The following CTNNA3 variants were observed in gnomAD, a reference collection of about 807,000 sequenced individuals.
CTNNA3 encodes the protein catenin alpha 3.
CTNNA3 carries 76 observed loss-of-function variants against 95.7 expected under a neutral mutation model. The observed-to-expected ratio is 0.79, with a 90% CI of 0.66 to 0.96. CTNNA3 has a LOEUF of 0.96. Among genes scored for constraint, CTNNA3 ranks in the 40% least tolerant of loss-of-function variants. The probability of loss-of-function intolerance (pLI) is 0.00; values close to 1 mark genes in which losing one functional copy is unlikely to be tolerated. For synonymous variants in CTNNA3, 431 were observed against 374.4 expected (o/e 1.15, Z -1.74); for missense variants, 1,191 against 1,089.8 (o/e 1.09, Z -1.31).
chr10:67,125,752 T>C (rs1359613252), intron 7 of CTNNA3, among the ~76,000 whole-genome samples: 1 of 152,058 alleles, frequency 6.6e-6, no homozygotes, highest in Non-Finnish European at 1.5e-5. Context: ...CTGGACAGAG[T>C]GTGAAATGGG....
At chr10:66,300,325 C>T (rs191321628) in intron 12 of CTNNA3, among the ~76,000 whole-genome samples, 162 of 152,138 alleles carry the variant, frequency 1.1e-3, no homozygotes, top group Non-Finnish European at 1.8e-3. Flanking sequence ...ACTTGCCAAA[C>T]CATATTTATT....
intron 5 of CTNNA3, among the ~76,000 whole-genome samples, chr10:67,251,137 ATAT>A (rs1214358596): frequency 6.6e-6 from 1 of 152,202 alleles, no homozygotes; most frequent in Admixed American, 6.5e-5. Flanking sequence ...ACAAAACAAA[ATAT>A]TATTTGTCAA....
At chr10:66,816,014 A>C (rs1842065623) in intron 7 of CTNNA3, among the ~76,000 whole-genome samples, 1 of 152,308 alleles carries the variant, frequency 6.6e-6, no homozygotes. Context: ...AAGTACATAA[A>C]GTGATAACTA....
At chr10:67,668,110 A>G (rs531652795) in intron 1 of CTNNA3, among the ~76,000 whole-genome samples, 13 of 152,264 alleles carry the variant, frequency 8.5e-5, no homozygotes, top group Admixed American at 5.9e-4. Context: ...GTCTCACTCA[A>G]TGGTTTTTGG....
At chr10:66,697,690 C>T (rs897985196) in intron 9 of CTNNA3, among the ~76,000 whole-genome samples, 2 of 152,070 alleles carry the variant, frequency 1.3e-5, no homozygotes, top group Non-Finnish European at 2.9e-5. Flanking sequence ...TAAATTAAAA[C>T]TTATTACACT....
intron 7 of CTNNA3, among the ~76,000 whole-genome samples, chr10:66,958,026 G>C (rs1283224091): frequency 6.6e-6 from 1 of 152,022 alleles, no homozygotes; most frequent in Non-Finnish European, 1.5e-5. Flanking sequence ...CATAGAACTA[G>C]AGGGGCCAAA....
At chr10:66,249,270 A>G (rs2132063735) in intron 13 of CTNNA3, among the ~76,000 whole-genome samples, 1 of 152,260 alleles carries the variant, frequency 6.6e-6, no homozygotes, top group African/African-American at 2.4e-5. Flanking sequence ...AAAAAGAACA[A>G]ATGAGATCAG....
intron 5 of CTNNA3, among the ~76,000 whole-genome samples, chr10:67,315,009 A>T (rs1407551161): frequency 6.6e-6 from 1 of 152,160 alleles, no homozygotes; most frequent in Non-Finnish European, 1.5e-5. Context: ...TTACCAGCTT[A>T]ATGAAGTTCC....
chr10:67,308,611 G>T (rs1000372654), intron 5 of CTNNA3, among the ~76,000 whole-genome samples: 4 of 152,114 alleles, frequency 2.6e-5, no homozygotes, highest in Non-Finnish European at 5.9e-5. Context: ...ATGTTAAGTG[G>T]TATATGCATA....
chr10:67,478,855 A>C (rs1016534237), intron 5 of CTNNA3, among the ~76,000 whole-genome samples: 17 of 152,046 alleles, frequency 1.1e-4, no homozygotes, highest in Non-Finnish European at 2.1e-4. Context: ...TAAAAAAAAA[A>C]AAACAAGACC....
chr10:66,733,051 C>T (rs1254099905), intron 9 of CTNNA3, among the ~76,000 whole-genome samples: 1 of 152,102 alleles, frequency 6.6e-6, no homozygotes, highest in African/African-American at 2.4e-5. Flanking sequence ...CTGCCTCAGC[C>T]TCCCAAAGTG....
intron 5 of CTNNA3, among the ~76,000 whole-genome samples, chr10:67,508,539 T>C (rs1839502118): frequency 6.6e-6 from 1 of 152,158 alleles, no homozygotes; most frequent in Admixed American, 6.5e-5. Context: ...ACATAAGCCC[T>C]GAAACCATAA....
intron 15 of CTNNA3, among the ~76,000 whole-genome samples, chr10:65,992,258 C>T (rs1182117175): frequency 1.3e-5 from 2 of 151,968 alleles, no homozygotes; most frequent in Non-Finnish European, 2.9e-5. Flanking sequence ...AATACTGCCT[C>T]ATAAAATAAA....
chr10:67,160,433 C>CTT (rs71006132), intron 7 of CTNNA3, among the ~76,000 whole-genome samples: 63 of 92,760 alleles, frequency 6.8e-4, no homozygotes, highest in East Asian at 1.4e-3. Context: ...TTCATCACAT[C>CTT]TTTTTTTTTT....
In CTNNA3 at chr10:66,189,617, T is replaced by TATATATACAC. The variant is rs151078010; in HGVS notation, c.1885-86369_1885-86368insGTGTATATAT. On this transcript the variant is annotated intron_variant, in intron 13 of 17. Transcript: ENST00000433211. ...CTATAGATTTATATATATATATATATACACACATACACACACATATACATA... is the reference window on the plus strand; with the variant it reads ...CTATAGATTTATATATATATATATATATATATACACACACACATACACACACATATACATA... Among the ~76,000 whole-genome samples the TATATATACAC allele has an allele frequency of 4.1e-3, 580 of 140,344 alleles. 7 individuals are homozygous for TATATATACAC. Among genetic ancestry groups the TATATATACAC allele is most frequent in the Middle Eastern group, 0.011 (3 of 280 alleles). The allele number at this position is 140,344 out of a possible 152,430, so 92.1% of individuals were successfully genotyped here. A position where few individuals can be genotyped will look rare whatever the true frequency, so the allele number is the denominator to read the frequency against.
intron 7 of CTNNA3, among the ~76,000 whole-genome samples, chr10:67,159,690 C>T (rs764172877): frequency 7.2e-5 from 11 of 152,172 alleles, no homozygotes; most frequent in South Asian, 2.1e-4. Context: ...TTAATTTGGA[C>T]CTTTACCTTA....
chr10:66,115,259 T>C (rs562054164), intron 13 of CTNNA3, among the ~76,000 whole-genome samples: 1 of 152,268 alleles, frequency 6.6e-6, no homozygotes, highest in East Asian at 1.9e-4. Context: ...TTGCAGTGTA[T>C]GTCTTTATTA....
At chr10:67,726,630 A>C (rs1307956257) in intron 1 of CTNNA3, among the ~76,000 whole-genome samples, 1 of 7,728 alleles carries the variant, frequency 1.3e-4, no homozygotes, top group African/African-American at 4.7e-4. Flanking sequence ...TATATATTAT[A>C]TTATATATAA....
At position 66,875,395 on chromosome 10, in the gene CTNNA3, TAAAAAAAA is replaced by T. The variant is rs76999620; in HGVS notation, c.1048-99879_1048-99872del. ...ACTTTTGCTTTTAATCACTGTTATT[TAAAAAAAA>T]AAAAAAATAGAAGAAAGTAAATAGC... On this transcript the variant is annotated intron_variant, in intron 7 of 17. Coordinates refer to ENST00000433211, the MANE Select transcript of CTNNA3 (RefSeq NM_013266.4). Among the ~76,000 whole-genome samples, 5 of 146,968 alleles carry T rather than the reference TAAAAAAAA, an allele frequency of 3.4e-5. No homozygotes were observed. The South Asian group carries it at 1.1e-3, about 32-fold the overall frequency.
Sources: gnomAD v4.1 joint callset for allele counts (sites outside exome capture counted in the v4.1 genomes callset) on GRCh38, gnomAD v4.1.1 for gene constraint, MANE v1.5 for transcripts, NCBI Gene and HGNC (gene_info 2026-07-23, HGNC 2026-07-21) for gene names.